The following IGF2BP3 variants were observed in gnomAD, a reference collection of about 807,000 sequenced individuals.
IGF2BP3 encodes insulin-like growth factor 2 mRNA-binding protein 3.
IGF2BP3 carries 9 observed loss-of-function variants against 73.8 expected under a neutral mutation model. The ratio of observed to expected loss-of-function variants is 0.12; its 90% CI spans 0.07 to 0.21. The LOEUF (loss-of-function observed/expected upper bound fraction) is 0.21, where lower values mean the gene tolerates loss of function less well. IGF2BP3 is among the 10% of genes least tolerant of loss of function. The pLI is 1.00. For missense variants in IGF2BP3, 542 were observed against 714.0 expected (o/e 0.76, Z 2.75); for synonymous variants, 258 against 256.7 (o/e 1.01, Z -0.05).
chr7:23,377,765 C>G (rs576941128), intron 3 of IGF2BP3, among the ~76,000 whole-genome samples: 1 of 152,120 alleles, frequency 6.6e-6, no homozygotes, highest in Admixed American at 6.6e-5. Flanking sequence ...TAATTATTAC[C>G]CAGCCATAAA....
intron 3 of IGF2BP3, among the ~76,000 whole-genome samples, chr7:23,389,286 G>A (rs1427010473): frequency 6.6e-6 from 1 of 151,582 alleles, no homozygotes; most frequent in Non-Finnish European, 1.5e-5. Context: ...TCAGCCTCCT[G>A]AGTAGGTGGG....
At chr7:23,383,286 T>C (rs185826944) in intron 3 of IGF2BP3, among the ~76,000 whole-genome samples, 6 of 152,282 alleles carry the variant, frequency 3.9e-5, no homozygotes, top group Admixed American at 3.9e-4. Context: ...AACTCAGTAA[T>C]AAAGACAAAT....
intron 10 of IGF2BP3, among the ~76,000 whole-genome samples, chr7:23,323,239 TG>T: frequency 6.7e-6 from 1 of 150,074 alleles, no homozygotes; most frequent in South Asian, 2.1e-4. Context: ...ACCAAGCAAA[TG>T]GAAAACAAAA....
chr7:23,361,621 G>T, intron 4 of IGF2BP3, 24 bp from the exon 5 acceptor site: 1 of 1,613,010 alleles, frequency 6.2e-7, no homozygotes, highest in Non-Finnish European at 8.5e-7. Context: ...AAAACGAAGA[G>T]AATAAAAGTT....
intron 2 of IGF2BP3, among the ~76,000 whole-genome samples, chr7:23,425,664 A>G (rs1300383069): frequency 6.6e-6 from 1 of 152,202 alleles, no homozygotes; most frequent in East Asian, 1.9e-4. Flanking sequence ...TATATAAGAC[A>G]TCTATGAACC....
At chr7:23,402,486 GAGGTGATGGGAGTAAAAC>G (rs1786698672) in intron 3 of IGF2BP3, 2 of 152,270 alleles carry the variant, frequency 1.3e-5, no homozygotes, top group African/African-American at 4.8e-5. Context: ...CAAAACAAAG[GAGGTGATGGGAGTAAAAC>G]ATTTGAGCAT....
intron 7 of IGF2BP3, among the ~76,000 whole-genome samples, chr7:23,346,325 A>C (rs1784826922): frequency 6.6e-6 from 1 of 152,222 alleles, no homozygotes; most frequent in African/African-American, 2.4e-5. Context: ...TCTCTTACTC[A>C]AAACCATATT....
chr7:23,461,787 A>G (rs1788456030), intron 2 of IGF2BP3, among the ~76,000 whole-genome samples: 1 of 152,212 alleles, frequency 6.6e-6, no homozygotes, highest in South Asian at 2.1e-4. Context: ...AAGATGACAT[A>G]CAAAGATAGC....
At chr7:23,375,148 T>C (rs1182011704) in intron 3 of IGF2BP3, among the ~76,000 whole-genome samples, 1 of 152,214 alleles carries the variant, frequency 6.6e-6, no homozygotes, top group Non-Finnish European at 1.5e-5. Flanking sequence ...CCTCAGAATG[T>C]AGCAATTATC....
At chr7:23,411,984 C>CTTTTTTTTT (rs767524257) in intron 3 of IGF2BP3, among the ~76,000 whole-genome samples, 94 of 104,764 alleles carry the variant, frequency 9.0e-4, no homozygotes, top group Non-Finnish European at 1.3e-3. Context: ...ACTTATTTCT[C>CTTTTTTTTT]TTTTTTTTTT....
At chr7:23,370,822 C>T (rs181068079) in intron 3 of IGF2BP3, among the ~76,000 whole-genome samples, 92 of 152,066 alleles carry the variant, frequency 6.0e-4, no homozygotes, top group African/African-American at 2.2e-3. Context: ...GGATTACAGG[C>T]GTGTGCCACC....
chr7:23,332,614 A>G (rs1393424048), intron 10 of IGF2BP3, among the ~76,000 whole-genome samples: 2 of 152,236 alleles, frequency 1.3e-5, no homozygotes, highest in East Asian at 3.8e-4. Context: ...ACACAAAATA[A>G]AATTATTTCA....
intron 2 of IGF2BP3, among the ~76,000 whole-genome samples, chr7:23,453,019 C>T (rs893804033): frequency 5.1e-4 from 77 of 151,426 alleles, no homozygotes; most frequent in African/African-American, 1.5e-3. Flanking sequence ...GGCTGAGGCA[C>T]GAGAATCCCT....
chr7:23,392,314 T>C (rs951780558), intron 3 of IGF2BP3, among the ~76,000 whole-genome samples: 6 of 151,516 alleles, frequency 4.0e-5, no homozygotes, highest in Non-Finnish European at 8.8e-5. Context: ...TCTGCGAACA[T>C]GTCACAGTGC....
chr7:23,425,892 G>A (rs905836061), intron 2 of IGF2BP3, among the ~76,000 whole-genome samples: 3 of 151,944 alleles, frequency 2.0e-5, no homozygotes, highest in Non-Finnish European at 4.4e-5. Context: ...TGAGCCCTAG[G>A]GAGGTCGAGG....
At chr7:23,371,319 G>GA (rs1379496266) in intron 3 of IGF2BP3, among the ~76,000 whole-genome samples, 11 of 151,530 alleles carry the variant, frequency 7.3e-5, no homozygotes, top group Non-Finnish European at 1.5e-4. Context: ...GAGATGAAGG[G>GA]AACATCCTTC....
At chr7:23,459,318 A>T (rs1281747199) in intron 2 of IGF2BP3, among the ~76,000 whole-genome samples, 2 of 152,212 alleles carry the variant, frequency 1.3e-5, no homozygotes, top group Non-Finnish European at 2.9e-5. Flanking sequence ...AGATTTTTTT[A>T]AATGTAAAAA....
chr7:23,368,326 GAAAAGAAAGAAAGAAA>G (rs1562704870), intron 3 of IGF2BP3, among the ~76,000 whole-genome samples: 1 of 89,658 alleles, frequency 1.1e-5, no homozygotes, highest in Non-Finnish European at 2.3e-5. Flanking sequence ...GAGAGAGAAA[GAAAAGAAAGAAAGAAA>G]AAAAGAAAGA....
At chr7:23,321,208 G>A (rs560047214) in intron 10 of IGF2BP3, among the ~76,000 whole-genome samples, 19 of 152,152 alleles carry the variant, frequency 1.2e-4, no homozygotes, top group Non-Finnish European at 2.8e-4. Flanking sequence ...CAGGTCAGTG[G>A]GTGCATGCAC....
Sources: allele counts gnomAD v4.1 joint callset (sites outside exome capture counted in the v4.1 genomes callset), GRCh38; gene constraint gnomAD v4.1.1; transcripts MANE v1.5; gene names NCBI Gene and HGNC (gene_info 2026-07-23, HGNC 2026-07-21).